Variants in RPGRIP1L observed in about 807,000 individuals in gnomAD.
RPGRIP1L encodes RPGRIP1 like.
Under a neutral mutation model 160.4 loss-of-function variants are expected in RPGRIP1L, and 131 were observed. The ratio of observed to expected loss-of-function variants is 0.82; its 90% confidence interval spans 0.71 to 0.94. The LOEUF (loss-of-function observed/expected upper bound fraction) is 0.94. Ranked by LOEUF, RPGRIP1L falls within the 40% of genes least tolerant of loss-of-function variation. RPGRIP1L has a pLI of 0.00. For missense variants in RPGRIP1L, 1,522 were observed against 1,535.8 expected (o/e 0.99, Z 0.15); for synonymous variants, 510 against 515.8 (o/e 0.99, Z 0.15).
chr16:53,603,915 T>C (rs1162698398), intron 26 of RPGRIP1L, among the ~76,000 whole-genome samples: 2 of 152,160 alleles, frequency 1.3e-5, no homozygotes, highest in Non-Finnish European at 2.9e-5. Flanking sequence ...ACCTAATCTT[T>C]TGGCTCTTTC....
At chr16:53,681,883 C>T (rs1161723488) in intron 6 of RPGRIP1L, among the ~76,000 whole-genome samples, 1 of 152,152 alleles carries the variant, frequency 6.6e-6, no homozygotes, top group East Asian at 1.9e-4. Flanking sequence ...CCAGATCAGA[C>T]TTCTAGAATT....
intron 25 of RPGRIP1L, among the ~76,000 whole-genome samples, chr16:53,610,580 G>A (rs1172678743): frequency 6.6e-6 from 1 of 152,176 alleles, no homozygotes; most frequent in African/African-American, 2.4e-5. Flanking sequence ...AAGAAGGTTA[G>A]GTAACTTGTC....
rs1378503655 is a variant in RPGRIP1L at position 53,676,042 on chromosome 16, A to G, written c.777-920T>C. On this transcript the variant is annotated intron_variant, in intron 6 of 26. Coordinates refer to ENST00000647211, the MANE Select transcript of RPGRIP1L (RefSeq NM_015272.5). ...TTCAATATTTAAAGTAAGAGATTTT[A>G]CTTTTAAAACTTATCTAGTGTACAC... Among the ~76,000 whole-genome samples, 9 of 152,332 alleles carry G rather than the reference A, an allele frequency of 5.9e-5. No individual in the cohort carries two copies. The East Asian group carries it at 1.7e-3, about 29-fold the overall frequency.
intron 17 of RPGRIP1L, among the ~76,000 whole-genome samples, chr16:53,643,348 A>G (rs1487357256): frequency 6.7e-6 from 1 of 150,068 alleles, no homozygotes; most frequent in Non-Finnish European, 1.5e-5. Context: ...ACAAGAGCCT[A>G]TTTATAGCTC....
rs762543434 is a variant in RPGRIP1L at position 53,652,913 on chromosome 16, C to G, written c.1774G>C (p.Asp592His). The G allele has an allele frequency of 6.2e-7, 1 of 1,613,284 alleles. No individual in the cohort carries two copies. The highest frequency in any genetic ancestry group is 1.1e-5 in the South Asian group (1 of 90,704). ...KPEIMPDDSV[D>H]EFDETIHLER... The stretch of plus-strand genomic sequence containing the variant: ...AAGTGGATGGTTTCATCAAATTCAT[C>G]AACAGAGTCATCTGGCATGATTTCT... The change falls in exon 15 of 27, where the codon GAT (aspartate) becomes CAT (histidine). Residue 592 changes from aspartate (D) to histidine (H), a missense_variant. Asp to His is a moderately conservative substitution (Grantham distance 81). Coordinates refer to ENST00000647211, the MANE Select transcript of RPGRIP1L (RefSeq NM_015272.5).
At chr16:53,671,386 A>G in intron 9 of RPGRIP1L, 124 bp downstream of exon 9, 2 of 682,718 alleles carry the variant, frequency 2.9e-6, no homozygotes, top group Non-Finnish European at 2.6e-6. Flanking sequence ...TACAGTTTGC[A>G]TATTTCTTGC....
intron 6 of RPGRIP1L, among the ~76,000 whole-genome samples, chr16:53,679,866 A>G (rs1198278055): frequency 6.6e-6 from 1 of 152,328 alleles, no homozygotes; most frequent in Non-Finnish European, 1.5e-5. Context: ...ACCCATTTCA[A>G]TCTAATCATT....
chr16:53,696,984 G>A (rs1339601262), intron 2 of RPGRIP1L, among the ~76,000 whole-genome samples: 1 of 151,926 alleles, frequency 6.6e-6, no homozygotes, highest in East Asian at 1.9e-4. Flanking sequence ...ACCTGAGGTC[G>A]GGAGTTCAAG....
intron 8 of RPGRIP1L, among the ~76,000 whole-genome samples, chr16:53,671,841 T>C (rs1968763073): frequency 6.6e-6 from 1 of 152,174 alleles, no homozygotes. Flanking sequence ...ATGCAACATG[T>C]GCCAGAAGTC....
At chr16:53,664,591 T>C (rs1355631353) in intron 10 of RPGRIP1L, among the ~76,000 whole-genome samples, 1 of 152,178 alleles carries the variant, frequency 6.6e-6, no homozygotes, top group Non-Finnish European at 1.5e-5. Context: ...TTCTCAACTG[T>C]TGAGTAAAGA....
chr16:53,625,485 G>C (rs1384507431), intron 22 of RPGRIP1L, among the ~76,000 whole-genome samples: 1 of 133,890 alleles, frequency 7.5e-6, no homozygotes, highest in Non-Finnish European at 1.6e-5. Flanking sequence ...TGGGGGGGGC[G>C]CGCCTCCGCC....
In RPGRIP1L at chr16:53,605,326, C is replaced by T. The variant is rs368775313; in HGVS notation, c.3835+155G>A. ...AGGACAGGAAAAGGATATAGGAAGA[C>T]GCTTCAGCTTCACCAAAGCGTCAAC... On this transcript the variant is annotated intron_variant, in intron 26 of 26. Transcript: ENST00000647211. 28 of 776,458 alleles carry T rather than the reference C, an allele frequency of 3.6e-5. 1 individual carries two copies. Among genetic ancestry groups the T allele is most frequent in the East Asian group, 2.5e-4 (10 of 39,720 alleles). The allele number at this position is 776,458 out of a possible 1,614,324, so 48.1% of individuals were successfully genotyped here. A position where few individuals can be genotyped will look rare whatever the true frequency, so the allele number is the denominator to read the frequency against.
At chr16:53,696,099 C>A (rs1375452601) in intron 3 of RPGRIP1L, 52 bp downstream of exon 3, 1 of 1,560,582 alleles carries the variant, frequency 6.4e-7, no homozygotes, top group South Asian at 1.1e-5. Context: ...AATACCATAC[C>A]CTCCAAATTT....
At chr16:53,612,292 G>C (rs1325281000) in intron 24 of RPGRIP1L, among the ~76,000 whole-genome samples, 1 of 152,154 alleles carries the variant, frequency 6.6e-6, no homozygotes, top group Non-Finnish European at 1.5e-5. Flanking sequence ...CTCTTTGCAT[G>C]AAACCATATT....
intron 2 of RPGRIP1L, among the ~76,000 whole-genome samples, chr16:53,699,796 C>T (rs1051220868): frequency 7.6e-6 from 1 of 130,726 alleles, no homozygotes; most frequent in South Asian, 2.3e-4. Context: ...CCAGCCTGGG[C>T]GACAGAGCGA....
At chr16:53,626,565 G>A (rs1034603960) in intron 22 of RPGRIP1L, among the ~76,000 whole-genome samples, 10 of 152,136 alleles carry the variant, frequency 6.6e-5, no homozygotes, top group Non-Finnish European at 1.3e-4. Context: ...AGCACTTTGG[G>A]AGGCTGAGGC....
At chr16:53,644,057 G>A (rs72803641) in intron 17 of RPGRIP1L, among the ~76,000 whole-genome samples, 4,818 of 152,234 alleles carry the variant, frequency 0.032, 160 homozygotes, top group East Asian at 0.14. Context: ...GTTTGGGTGC[G>A]GTAGCATGTG....
At chr16:53,626,374 T>G (rs1965178552) in intron 22 of RPGRIP1L, among the ~76,000 whole-genome samples, 1 of 152,186 alleles carries the variant, frequency 6.6e-6, no homozygotes, top group Non-Finnish European at 1.5e-5. Context: ...GGCTTTAGAC[T>G]TTTCCTGTTT....
rs534642761 is a variant in RPGRIP1L, at chr16:53,699,199, G to C, written c.85+1440C>G. 5.3e-3 allele frequency among the ~76,000 whole-genome samples: 802 copies of C among 151,812 alleles called. 9 individuals are homozygous for C. Among genetic ancestry groups the C allele is most frequent in the African/African-American group, 0.017 (714 of 41,360 alleles). Reference sequence around the variant, plus strand: ...ACAGATGCTTGAAGGCAGCATGCTCGTTAAGAGTCATCACCACTCCCTAAT... The same window carrying C: ...ACAGATGCTTGAAGGCAGCATGCTCCTTAAGAGTCATCACCACTCCCTAAT... On this transcript the variant is annotated intron_variant, in intron 2 of 26. Transcript: ENST00000647211.
Sources: allele counts gnomAD v4.1 joint callset (sites outside exome capture counted in the v4.1 genomes callset), GRCh38; gene constraint gnomAD v4.1.1; transcripts MANE v1.5; gene names NCBI Gene and HGNC (gene_info 2026-07-23, HGNC 2026-07-21).